CCDC73: variants seen among roughly 807,000 people sequenced by gnomAD.
The protein encoded by CCDC73 is coiled-coil domain containing 73, also known as coiled-coil domain-containing protein 73.
Under a neutral mutation model 116.5 loss-of-function variants are expected in CCDC73, and 95 were observed. That is an observed-to-expected ratio of 0.82 (90% CI 0.69 to 0.97). CCDC73 has a LOEUF of 0.97. Ranked by LOEUF, CCDC73 falls within the 50% of genes least tolerant of loss-of-function variation. The pLI, the probability that CCDC73 is intolerant of heterozygous loss-of-function variation, is 0.00. For synonymous variants in CCDC73, 398 were observed against 401.3 expected, an observed-to-expected ratio of 0.99 and a Z score of 0.10; for missense variants, 1,066 against 1,206.8, an observed-to-expected ratio of 0.88 and a Z score of 1.73.
At chr11:32,723,027 A>G (rs1850003168) in intron 2 of CCDC73, among the ~76,000 whole-genome samples, 1 of 152,210 alleles carries the variant, frequency 6.6e-6, no homozygotes. Context: ...GAGATTGTGG[A>G]TGCTGCAGAA....
chr11:32,808,801 A>G, the CCDC73 span, among the ~76,000 whole-genome samples: 1 of 152,250 alleles, frequency 6.6e-6, no homozygotes, highest in Non-Finnish European at 1.5e-5. Context: ...GAAATAATAT[A>G]TGTTAATTGT....
intron 2 of CCDC73, among the ~76,000 whole-genome samples, chr11:32,725,579 C>T (rs113495685): frequency 0.03 from 4,543 of 152,198 alleles, 86 homozygotes; most frequent in Non-Finnish European, 0.039. Flanking sequence ...CTCAATTTTA[C>T]GTTAACTTTA....
chr11:32,647,684 A>G (rs1590566854), intron 12 of CCDC73, among the ~76,000 whole-genome samples: 1 of 152,200 alleles, frequency 6.6e-6, no homozygotes, highest in Admixed American at 6.5e-5. Flanking sequence ...CCCTGAAAGG[A>G]ATCTTCCATT....
chr11:32,620,610 CAAAA>C (rs57643752), intron 14 of CCDC73, among the ~76,000 whole-genome samples: 1 of 61,340 alleles, frequency 1.6e-5, no homozygotes. Flanking sequence ...GACTCAGTCT[CAAAA>C]AAAAAAAAAA....
At chr11:32,828,374 G>A in the CCDC73 span, among the ~76,000 whole-genome samples, 1 of 152,018 alleles carries the variant, frequency 6.6e-6, no homozygotes, top group Non-Finnish European at 1.5e-5. Context: ...GCCGGGCGTG[G>A]TGGTGGATGC....
At chr11:32,781,754 C>T (rs940682373) in intron 1 of CCDC73, among the ~76,000 whole-genome samples, 2 of 152,326 alleles carry the variant, frequency 1.3e-5, no homozygotes, top group Admixed American at 1.3e-4. Context: ...ACCCACCAGT[C>T]TTTCTTCTCC....
intron 6 of CCDC73, among the ~76,000 whole-genome samples, chr11:32,689,002 T>C (rs959172024): frequency 2.6e-5 from 4 of 152,092 alleles, no homozygotes; most frequent in African/African-American, 9.7e-5. Context: ...TTAATATCCA[T>C]GTGGGCACAA....
rs1431222191 is a variant in CCDC73 at position 32,602,849 on chromosome 11, CTT to C, written c.3200_3201del (p.Lys1067SerfsTer15). On this transcript the variant is annotated frameshift_variant, in exon 18 of 18. Coordinates refer to ENST00000335185, the MANE Select transcript of CCDC73 (RefSeq NM_001008391.4). LOFTEE classifies it high-confidence loss of function. The part of the protein sequence containing the change: ...LENDNQPKKR[K>X]AEETLEKNNR... The stretch of plus-strand genomic sequence containing the variant: ...TTGTTTTTTTCCAACGTCTCTTCTG[CTT>C]TTCTTTTCTTTGGCTGGTTGTCATT... 5 of 1,608,682 alleles carry C rather than the reference CTT, an allele frequency of 3.1e-6. No homozygotes were observed. The highest frequency in any genetic ancestry group is 4.2e-6 in the Non-Finnish European group (5 of 1,177,954).
intron 3 of CCDC73, among the ~76,000 whole-genome samples, chr11:32,709,481 G>C (rs1266684678): frequency 6.6e-6 from 1 of 152,126 alleles, no homozygotes; most frequent in Non-Finnish European, 1.5e-5. Context: ...ATTTTCAGTA[G>C]AGATGGGGTG....
At chr11:32,829,613 A>C in the CCDC73 span, among the ~76,000 whole-genome samples, 2 of 152,254 alleles carry the variant, frequency 1.3e-5, no homozygotes, top group African/African-American at 4.8e-5. Flanking sequence ...TGGGACCCAA[A>C]GCGAAAAGCC....
At chr11:32,728,263 CTAAA>C (rs1318331170) in intron 2 of CCDC73, among the ~76,000 whole-genome samples, 9 of 151,930 alleles carry the variant, frequency 5.9e-5, no homozygotes, top group Non-Finnish European at 7.4e-5. Flanking sequence ...AAAAATAATA[CTAAA>C]TAAATAAATA....
chr11:32,640,177 T>C (rs1221193597), intron 13 of CCDC73, among the ~76,000 whole-genome samples: 1 of 152,230 alleles, frequency 6.6e-6, no homozygotes, highest in African/African-American at 2.4e-5. Context: ...GGCAGCTTTT[T>C]CTTACTTATC....
intron 1 of CCDC73, among the ~76,000 whole-genome samples, chr11:32,760,951 C>G (rs1477234315): frequency 6.6e-6 from 1 of 152,110 alleles, no homozygotes; most frequent in Non-Finnish European, 1.5e-5. Flanking sequence ...TAGCACTTTA[C>G]CAGTTATACA....
chr11:32,674,438 T>C (rs753580217), intron 9 of CCDC73, among the ~76,000 whole-genome samples: 2 of 152,196 alleles, frequency 1.3e-5, no homozygotes, highest in Admixed American at 6.5e-5. Flanking sequence ...TCAGTTGGAA[T>C]ATTTTTAGTT....
chr11:32,693,649 C>G (rs945917672), intron 6 of CCDC73, among the ~76,000 whole-genome samples: 1 of 152,108 alleles, frequency 6.6e-6, no homozygotes, highest in African/African-American at 2.4e-5. Context: ...TGATGAACAT[C>G]GATGCAAAAA....
upstream of CCDC73, among the ~76,000 whole-genome samples, chr11:32,794,938 C>T (rs1330748245): frequency 2.0e-5 from 3 of 150,918 alleles, no homozygotes; most frequent in Admixed American, 2.0e-4. Context: ...GATCTCGGCT[C>T]ACTGCAAGCT....
intron 14 of CCDC73, among the ~76,000 whole-genome samples, chr11:32,623,761 T>C (rs77368906): frequency 0.036 from 5,517 of 152,300 alleles, 154 homozygotes; most frequent in Non-Finnish European, 0.053. Context: ...TTACTTAGGG[T>C]ATTTGGAAAT....
intron 2 of CCDC73, among the ~76,000 whole-genome samples, chr11:32,755,332 G>A (rs1362405403): frequency 2.1e-5 from 3 of 143,358 alleles, no homozygotes; most frequent in South Asian, 2.2e-4. Flanking sequence ...TCAGGAGATC[G>A]AGGCCAGCCT....
chr11:32,759,998 T>C (rs922094298), intron 2 of CCDC73, 111 bp downstream of exon 2: 1 of 868,074 alleles, frequency 1.2e-6, no homozygotes, highest in Admixed American at 2.4e-5. Context: ...GGACTATATA[T>C]TTTATTTCTA....
Sources: gnomAD v4.1 joint callset for allele counts (sites outside exome capture counted in the v4.1 genomes callset) on GRCh38, gnomAD v4.1.1 for gene constraint, MANE v1.5 for transcripts, NCBI Gene and HGNC (gene_info 2026-07-23, HGNC 2026-07-21) for gene names.